Variants in CACNA1E observed in about 807,000 individuals in gnomAD.
CACNA1E encodes calcium voltage-gated channel subunit alpha1 E, also known as voltage-dependent R-type calcium channel subunit alpha-1E.
CACNA1E carries 40 observed loss-of-function variants against 259.2 expected under a neutral mutation model. The ratio of observed to expected loss-of-function variants is 0.15; its 90% CI spans 0.12 to 0.20. The LOEUF (loss-of-function observed/expected upper bound fraction) is 0.20. CACNA1E is among the 10% of genes least tolerant of loss of function. The pLI is 1.00. For synonymous variants in CACNA1E, 1,104 were observed against 1,138.5 expected (o/e 0.97, Z 0.61); for missense variants, 1,874 against 3,040.1 (o/e 0.62, Z 9.02).
intron 1 of CACNA1E, among the ~76,000 whole-genome samples, chr1:181,324,972 A>G (rs1208868851): frequency 6.6e-6 from 1 of 152,156 alleles, no homozygotes; most frequent in Admixed American, 6.5e-5. Flanking sequence ...CATGCTGCAC[A>G]GGATGCAGAC....
At chr1:181,567,733 G>A (rs1190732428) in intron 3 of CACNA1E, among the ~76,000 whole-genome samples, 1 of 152,182 alleles carries the variant, frequency 6.6e-6, no homozygotes, top group Non-Finnish European at 1.5e-5. Flanking sequence ...GCTGCATGGT[G>A]CTATTAAAGC....
intron 6 of CACNA1E, 27 bp from the exon 7 acceptor site, chr1:181,651,311 T>G: frequency 6.8e-7 from 1 of 1,465,600 alleles, no homozygotes; most frequent in Non-Finnish European, 9.6e-7. Context: ...GCTTTAAGTA[T>G]TAAGGAACCA....
rs993877428 is a variant in CACNA1E, at chr1:181,411,712, C to T, written c.-14-1421C>T. Among the ~76,000 whole-genome samples the T allele has an allele frequency of 5.3e-5, 8 of 152,274 alleles. No individual in the cohort carries two copies. In the East Asian group the frequency reaches 9.7e-4, roughly 18 times the overall value. On this transcript the variant is annotated intron_variant, in intron 1 of 11. Coordinates refer to the CACNA1E transcript ENST00000524607. ...GCAACCTCTGCCCACCGGGTTCAAG[C>T]GATTCTCCTGTCTCAGCCTCCCAAG... is the stretch of plus-strand genomic sequence containing the variant.
At position 181,615,352 on chromosome 1, in the gene CACNA1E, G is replaced by T. The variant is rs370037126; in HGVS notation, c.951+34576G>T. Among the ~76,000 whole-genome samples the T allele has an allele frequency of 3.9e-5, 6 of 152,002 alleles. No homozygotes were observed. In the East Asian group the frequency reaches 9.6e-4, roughly 24 times the overall value. The stretch of plus-strand genomic sequence containing the variant: ...TTACAGGCACCTGCCACCACGCCTG[G>T]CTAATTTTTGTATTTTTAGTCGAGA... On this transcript the variant is annotated intron_variant, in intron 6 of 47. Coordinates refer to ENST00000367573, the MANE Select transcript of CACNA1E (RefSeq NM_001205293.3).
At chr1:181,454,621 T>C (rs1291999751) in intron 2 of CACNA1E, among the ~76,000 whole-genome samples, 3 of 152,192 alleles carry the variant, frequency 2.0e-5, no homozygotes, top group Admixed American at 6.5e-5. Flanking sequence ...ACTTATATCA[T>C]AGACAAATCC....
In CACNA1E at chr1:181,462,644, C is replaced by T. The variant is rs149808079; in HGVS notation, c.435-21100C>T. Reference sequence around the variant, plus strand: ...TTGTTCCTTGCTCCGGAAGTCATCACTCCTCTGAGATTGATATTTCATTAC... The same window carrying T: ...TTGTTCCTTGCTCCGGAAGTCATCATTCCTCTGAGATTGATATTTCATTAC... On this transcript the variant is annotated intron_variant, in intron 2 of 11. Coordinates refer to the CACNA1E transcript ENST00000524607. 2.2e-3 allele frequency among the ~76,000 whole-genome samples: 334 copies of T among 152,286 alleles called. 2 individuals are homozygous for T. The highest frequency in any genetic ancestry group is 7.7e-3 in the African/African-American group (319 of 41,572).
At chr1:181,753,696 A>C (rs1019628619) in intron 27 of CACNA1E, among the ~76,000 whole-genome samples, 2 of 152,018 alleles carry the variant, frequency 1.3e-5, no homozygotes, top group Non-Finnish European at 2.9e-5. Context: ...CCCACTTCCT[A>C]TTGAATTCTC....
intron 1 of CACNA1E, among the ~76,000 whole-genome samples, chr1:181,487,483 A>G (rs779534688): frequency 1.1e-4 from 17 of 152,214 alleles, no homozygotes; most frequent in Non-Finnish European, 2.1e-4. Flanking sequence ...TGGAAGCTAC[A>G]TCTGCATAGG....
In CACNA1E at chr1:181,803,579, T is replaced by C. The variant is rs950955661; in HGVS notation, c.*4745T>C. The C allele has an allele frequency of 8.5e-5, 13 of 152,214 alleles. No homozygotes were observed. The highest frequency in any genetic ancestry group is 3.1e-4 in the African/African-American group (13 of 41,442). 9.4% of individuals were successfully genotyped at this position (152,214 alleles called of 1,614,324 possible). ...CAGCTGATGGCTTCTCTGCTGTCTG[T>C]GGAGGGAGGGCTCGGCTGCAGACCT... On this transcript the variant is annotated 3_prime_UTR_variant, in exon 48 of 48. Transcript: ENST00000367573.
Position 181,758,738 on chromosome 1 carries a change from T to C in CACNA1E, c.4495-20T>C. On this transcript the variant is annotated intron_variant, in intron 31 of 47. Transcript: ENST00000367573. This position sits in a 1 kb window ranked among gnomAD's most constrained non-coding sequence, Gnocchi z 4.2. ...CCTTAAGGCTGTGATTCTTTCTCTC[T>C]TCTTTTTTCTTCCTGGCAGTATTAT... is the stretch of plus-strand genomic sequence containing the variant. 1 of 1,355,476 alleles carries C rather than the reference T, an allele frequency of 7.4e-7. No individual in the cohort carries two copies. The highest frequency in any genetic ancestry group is 1.1e-6 in the Non-Finnish European group (1 of 950,418). The allele number at this position is 1,355,476 out of a possible 1,614,324, so 84.0% of individuals were successfully genotyped here.
intron 7 of CACNA1E, among the ~76,000 whole-genome samples, chr1:181,678,432 T>TAACA (rs1366389005): frequency 1.3e-5 from 2 of 152,186 alleles, no homozygotes; most frequent in East Asian, 3.8e-4. Context: ...CTATATATAA[T>TAACA]AACAATAATG....
At chr1:181,345,425 T>C (rs144521906) in intron 1 of CACNA1E, among the ~76,000 whole-genome samples, 1 of 152,114 alleles carries the variant, frequency 6.6e-6, no homozygotes, top group African/African-American at 2.4e-5. Context: ...TGTGGCCACA[T>C]GCCGAGTTGC....
chr1:181,387,252 C>A (rs1022084142), intron 1 of CACNA1E, among the ~76,000 whole-genome samples: 9 of 152,192 alleles, frequency 5.9e-5, no homozygotes, highest in Non-Finnish European at 1.0e-4. Flanking sequence ...CACCTGTCAC[C>A]ACCCTGAACA....
chr1:181,638,597 G>A (rs1460252368), intron 6 of CACNA1E, among the ~76,000 whole-genome samples: 4 of 152,108 alleles, frequency 2.6e-5, no homozygotes, highest in African/African-American at 9.7e-5. Context: ...ATTGTTGCTT[G>A]TTGGTTTGTG....
intron 1 of CACNA1E, among the ~76,000 whole-genome samples, chr1:181,321,265 A>T (rs1417124843): frequency 6.6e-6 from 1 of 152,194 alleles, no homozygotes; most frequent in Non-Finnish European, 1.5e-5. Flanking sequence ...GGGATGAACA[A>T]CCAAACTTTG....
intron 6 of CACNA1E, among the ~76,000 whole-genome samples, chr1:181,632,139 G>T (rs185371136): frequency 6.6e-6 from 1 of 152,268 alleles, no homozygotes; most frequent in African/African-American, 2.4e-5. Context: ...TTCTTCATAT[G>T]ACACCTCTTT....
At position 181,795,767 on chromosome 1, in the gene CACNA1E, A is replaced by AATATATATATATATATATATATAT. The variant is rs72040839; in HGVS notation, c.6208+743_6208+744insATATATATATATATATATATATAT. On this transcript the variant is annotated intron_variant, in intron 46 of 47. Transcript: ENST00000367573. ...AATTTCTTTTAAGCTTTTTGCTTTAAATATATATATATATATATATTAGTC... is the reference window on the plus strand; with the variant it reads ...AATTTCTTTTAAGCTTTTTGCTTTAAATATATATATATATATATATATATATATATATATATATATATATTAGTC... Among the ~76,000 whole-genome samples the AATATATATATATATATATATATAT allele has an allele frequency of 3.2e-3, 360 of 113,152 alleles. 14 individuals are homozygous for AATATATATATATATATATATATAT. The highest frequency in any genetic ancestry group is 5.4e-3 in the Middle Eastern group (1 of 184). The allele number at this position is 113,152 out of a possible 152,430, so 74.2% of individuals were successfully genotyped here.
chr1:181,487,667 C>T (rs1663960861), intron 1 of CACNA1E, among the ~76,000 whole-genome samples: 1 of 152,196 alleles, frequency 6.6e-6, no homozygotes. Flanking sequence ...TGAGTGCCCT[C>T]CCATGTTCAC....
chr1:181,396,323 G>A (rs559265496), intron 1 of CACNA1E, among the ~76,000 whole-genome samples: 48 of 152,322 alleles, frequency 3.2e-4, no homozygotes, highest in African/African-American at 1.1e-3. Context: ...GGAGGGGACC[G>A]CACAAAGGTG....
Sources: allele counts gnomAD v4.1 joint callset (sites outside exome capture counted in the v4.1 genomes callset), GRCh38; gene constraint gnomAD v4.1.1; non-coding constraint Gnocchi (gnomAD v3.1); transcripts MANE v1.5; gene names NCBI Gene and HGNC (gene_info 2026-07-23, HGNC 2026-07-21).